Variants in ARHGAP17 observed in about 807,000 individuals in gnomAD.
ARHGAP17 encodes Rho GTPase activating protein 17, also known as rho GTPase-activating protein 17.
A neutral mutation model predicts 99.5 loss-of-function variants in ARHGAP17; 57 were observed. The observed-to-expected ratio is 0.57, with a 90% CI of 0.46 to 0.71. The LOEUF (loss-of-function observed/expected upper bound fraction) is 0.71. Among genes scored for constraint, ARHGAP17 ranks in the 30% least tolerant of loss-of-function variants. The probability of loss-of-function intolerance (pLI) is 0.00; values close to 1 mark genes in which losing one functional copy is unlikely to be tolerated. For missense variants in ARHGAP17, 1,000 were observed against 1,122.4 expected (o/e 0.89, Z 1.56); for synonymous variants, 417 against 429.6 (o/e 0.97, Z 0.36).
At chr16:24,938,711 G>A (rs1052546381) in intron 17 of ARHGAP17, among the ~76,000 whole-genome samples, 20 of 151,116 alleles carry the variant, frequency 1.3e-4, no homozygotes, top group Admixed American at 1.3e-3. Flanking sequence ...GGCGGAGGGT[G>A]CAGTGAGCTA....
Position 24,931,051 on chromosome 16 carries a change from G to C in ARHGAP17, c.2248C>G (p.Pro750Ala). 6.2e-7 allele frequency: 1 copy of C among 1,607,972 alleles called. No individual in the cohort carries two copies. The highest frequency in any genetic ancestry group is 8.5e-7 in the Non-Finnish European group (1 of 1,176,900). ...GGAGTCTGGGGAGGGGTGTGAGATG[G>C]CTGCTCAAGTCCATGCTCACTGGGC... is the stretch of plus-strand genomic sequence containing the variant. ...ALPSEHGLEQ[P>A]SHTPPQTPTP... Residue 750 changes from proline to alanine, a missense_variant, in exon 19 of 20, where the codon CCA (proline) becomes GCA (alanine). Physicochemically the swap from Pro to Ala is conservative, Grantham distance 27 (BLOSUM62 -1). This residue lies in a region of ARHGAP17 where 528 missense variants were observed against 511.4 expected (regional missense o/e 1.03). Coordinates refer to ENST00000289968, the MANE Select transcript of ARHGAP17 (RefSeq NM_001006634.3).
chr16:24,979,917 G>T (rs888934248), intron 1 of ARHGAP17, among the ~76,000 whole-genome samples: 1 of 152,132 alleles, frequency 6.6e-6, no homozygotes, highest in South Asian at 2.1e-4. Flanking sequence ...TGCCATGTTG[G>T]CCAGGCTGGT....
At chr16:24,954,055 C>T (rs996135195) in intron 10 of ARHGAP17, among the ~76,000 whole-genome samples, 1 of 151,702 alleles carries the variant, frequency 6.6e-6, no homozygotes, top group Non-Finnish European at 1.5e-5. Context: ...AAAAAAAAAG[C>T]CTTGCATTTT....
chr16:24,952,759 GAC>G (rs1208096589), intron 11 of ARHGAP17, among the ~76,000 whole-genome samples, 170 bp downstream of exon 11: 2 of 152,148 alleles, frequency 1.3e-5, no homozygotes, highest in Non-Finnish European at 2.9e-5. Flanking sequence ...GAGTAAAGAA[GAC>G]ACAGTGTACA....
At chr16:24,939,283 G>A in intron 17 of ARHGAP17, 81 bp downstream of exon 17, 2 of 1,306,780 alleles carry the variant, frequency 1.5e-6, no homozygotes, top group Admixed American at 2.6e-5. Flanking sequence ...CTTTGGGCAT[G>A]GATGCCGTGC....
At chr16:24,924,734 G>C (rs2050798295) in intron 19 of ARHGAP17, among the ~76,000 whole-genome samples, 1 of 152,042 alleles carries the variant, frequency 6.6e-6, no homozygotes, top group African/African-American at 2.4e-5. Flanking sequence ...ACGGTAGTGA[G>C]TGCCTGTAAT....
rs966958788 is a variant in ARHGAP17, at chr16:24,959,809, A to G, written c.643-57T>C. On this transcript the variant is annotated intron_variant, in intron 8 of 19. Coordinates refer to ENST00000289968, the MANE Select transcript of ARHGAP17 (RefSeq NM_001006634.3). Reference sequence around the variant, plus strand: ...TAACGTTAGCATCGGATGGACACACACACAATGGCTGAGCAAAACTAAAAA... The same window carrying G: ...TAACGTTAGCATCGGATGGACACACGCACAATGGCTGAGCAAAACTAAAAA... 15 of 1,605,654 alleles carry G rather than the reference A, an allele frequency of 9.3e-6. No homozygotes were observed. The African/African-American group carries it at 1.9e-4, about 20-fold the overall frequency.
chr16:24,997,392 A>T (rs1168080707), intron 1 of ARHGAP17, among the ~76,000 whole-genome samples: 2 of 152,214 alleles, frequency 1.3e-5, no homozygotes, highest in Non-Finnish European at 2.9e-5. Flanking sequence ...GTACACACCC[A>T]GATATATATT....
At chr16:24,980,548 T>C (rs1321137296) in intron 1 of ARHGAP17, among the ~76,000 whole-genome samples, 2 of 152,096 alleles carry the variant, frequency 1.3e-5, no homozygotes, top group Non-Finnish European at 2.9e-5. Flanking sequence ...CCCTAGACCT[T>C]GCTTGGCAAG....
intron 6 of ARHGAP17, among the ~76,000 whole-genome samples, chr16:24,964,851 G>A (rs1815869795): frequency 6.6e-6 from 1 of 152,164 alleles, no homozygotes; most frequent in African/African-American, 2.4e-5. Context: ...GCTCACGCCT[G>A]TAATCCCAAC....
At chr16:24,932,432 G>A (rs1366100394) in intron 18 of ARHGAP17, among the ~76,000 whole-genome samples, 1 of 152,110 alleles carries the variant, frequency 6.6e-6, no homozygotes, top group African/African-American at 2.4e-5. Context: ...CCACTTAGCA[G>A]CCTCCTCATT....
rs759849941 is a variant in ARHGAP17, at chr16:24,964,164, C to T, written c.573+33G>A. ...ACTTTCATCCCTCATTTGCAAAAAC[C>T]GAAAAGATACATTTATCAAGGAATT... On this transcript the variant is annotated intron_variant, in intron 7 of 19. Transcript: ENST00000289968. The T allele has an allele frequency of 2.0e-5, 29 of 1,448,350 alleles. No homozygotes were observed. The Middle Eastern group carries it at 2.3e-3, about 117-fold the overall frequency. 89.7% of individuals were successfully genotyped at this position (1,448,350 alleles called of 1,614,324 possible).
At chr16:24,944,269 CAA>C (rs68043853) in intron 14 of ARHGAP17, among the ~76,000 whole-genome samples, 25 of 89,544 alleles carry the variant, frequency 2.8e-4, no homozygotes, top group Admixed American at 3.8e-4. Context: ...AACTCTGTCT[CAA>C]AAAAAAAAAA....
chr16:25,015,027 C>T (rs2053746541), intron 1 of ARHGAP17, among the ~76,000 whole-genome samples, 182 bp downstream of exon 1: 1 of 151,534 alleles, frequency 6.6e-6, no homozygotes, highest in Non-Finnish European at 1.5e-5. Context: ...AGGCGGGCCG[C>T]CTGGAGCGCG....
chr16:24,929,731 GA>G (rs1023492844), intron 19 of ARHGAP17: 15 of 876,456 alleles, frequency 1.7e-5, no homozygotes, highest in Middle Eastern at 3.0e-4. Flanking sequence ...GATGGCATCA[GA>G]AAAAAAGTTA....
At chr16:25,015,049 T>A (rs1319840633) in intron 1 of ARHGAP17, among the ~76,000 whole-genome samples, 160 bp downstream of exon 1, 1 of 150,882 alleles carries the variant, frequency 6.6e-6, no homozygotes, top group Non-Finnish European at 1.5e-5. Flanking sequence ...CGCTCGGGCC[T>A]CAGCGCGGCG....
intron 1 of ARHGAP17, among the ~76,000 whole-genome samples, chr16:24,987,004 A>G (rs1395046664): frequency 6.6e-6 from 1 of 152,188 alleles, no homozygotes; most frequent in Non-Finnish European, 1.5e-5. Context: ...CCTCAAAAAC[A>G]CTGAAGTATT....
intron 1 of ARHGAP17, among the ~76,000 whole-genome samples, chr16:24,983,001 T>TATATATATATATATATATA (rs57189994): frequency 4.1e-5 from 1 of 24,568 alleles, no homozygotes; most frequent in African/African-American, 1.2e-4. Flanking sequence ...TATATATTTT[T>TATATATATATATATATATA]TTTTTTTTTT....
chr16:24,960,051 C>A, intron 7 of ARHGAP17, 72 bp from the exon 8 acceptor site: 1 of 1,412,930 alleles, frequency 7.1e-7, no homozygotes, highest in South Asian at 1.2e-5. Flanking sequence ...AGAACAATCT[C>A]TGTGAGCTCT....
Sources: gnomAD v4.1 joint callset for allele counts (sites outside exome capture counted in the v4.1 genomes callset) on GRCh38, gnomAD v4.1.1 for gene constraint, gnomAD v4.1.1 regional missense constraint, MANE v1.5 for transcripts, NCBI Gene and HGNC (gene_info 2026-07-23, HGNC 2026-07-21) for gene names.